Variants in KANK1 observed in about 807,000 individuals in gnomAD.
KANK1 encodes the protein KN motif and ankyrin repeat domains 1, also known as KN motif and ankyrin repeat domain-containing protein 1.
In KANK1, 109 loss-of-function variants were observed where a neutral mutation model predicts 106.2. The observed-to-expected ratio is 1.03, with a 90% confidence interval of 0.88 to 1.20. KANK1 has a LOEUF of 1.20. KANK1 is among the 50% of genes most tolerant of loss of function. The pLI is 0.00. For missense variants in KANK1, 2,399 were observed against 1,710.7 expected (o/e 1.40, Z -7.10); for synonymous variants, 873 against 652.2 (o/e 1.34, Z -5.16).
intron 2 of KANK1, among the ~76,000 whole-genome samples, chr9:701,362 C>T (rs577248852): frequency 5.2e-4 from 79 of 152,310 alleles, no homozygotes; most frequent in African/African-American, 1.8e-3. Context: ...CCTTGGCCTC[C>T]CAAAGTGCTG....
intron 1 of KANK1, among the ~76,000 whole-genome samples, chr9:525,910 AT>A (rs1274293376): frequency 1.3e-5 from 2 of 151,690 alleles, no homozygotes; most frequent in African/African-American, 2.4e-5. Context: ...CACCCAGAGG[AT>A]CAATATTTTT....
At chr9:534,602 C>T (rs1235933202) in intron 1 of KANK1, among the ~76,000 whole-genome samples, 1 of 152,168 alleles carries the variant, frequency 6.6e-6, no homozygotes, top group East Asian at 1.9e-4. Flanking sequence ...ATTTTTTCCC[C>T]CTCTTAGTTA....
chr9:733,234 C>T (rs1469073487), intron 6 of KANK1: 1 of 152,172 alleles, frequency 6.6e-6, no homozygotes, highest in African/African-American at 2.4e-5. Context: ...ATTTGATGCT[C>T]ATAAAATAGA....
intron 2 of KANK1, among the ~76,000 whole-genome samples, chr9:682,807 G>T (rs1817833047): frequency 6.6e-6 from 1 of 152,134 alleles, no homozygotes. Flanking sequence ...TTGTCTCTAT[G>T]CTGATCTTAA....
intron 1 of KANK1, among the ~76,000 whole-genome samples, chr9:508,955 G>C (rs2058904760): frequency 6.6e-6 from 1 of 152,160 alleles, no homozygotes; most frequent in Non-Finnish European, 1.5e-5. Flanking sequence ...CTAGGATTCA[G>C]TTTAGAGGTA....
chr9:541,719 A>G (rs548837928), intron 1 of KANK1, among the ~76,000 whole-genome samples: 22 of 152,350 alleles, frequency 1.4e-4, no homozygotes, highest in African/African-American at 5.0e-4. Flanking sequence ...CAGACCATAC[A>G]TCTGATAAGG....
At chr9:622,539 A>G (rs538235473) in intron 1 of KANK1, among the ~76,000 whole-genome samples, 1 of 152,330 alleles carries the variant, frequency 6.6e-6, no homozygotes, top group African/African-American at 2.4e-5. Flanking sequence ...AAAACTGGAT[A>G]TCCACCTGCC....
intron 1 of KANK1, among the ~76,000 whole-genome samples, chr9:635,694 C>CTTTTTTTT (rs1162836319): frequency 3.8e-4 from 39 of 103,364 alleles, no homozygotes; most frequent in African/African-American, 5.4e-4. Context: ...CCTTTTTATT[C>CTTTTTTTT]TTTTTTTTTT....
At chr9:486,495 A>G (rs1170763417) in intron 3 of KANK1, among the ~76,000 whole-genome samples, 1 of 152,184 alleles carries the variant, frequency 6.6e-6, no homozygotes, top group Non-Finnish European at 1.5e-5. Flanking sequence ...TTCTCATTTT[A>G]CAGATGAGGA....
chr9:527,565 T>C (rs2059849270), intron 1 of KANK1, among the ~76,000 whole-genome samples: 1 of 151,576 alleles, frequency 6.6e-6, no homozygotes, highest in Admixed American at 6.6e-5. Context: ...CCTCGCAGAG[T>C]GCTGGAATTA....
At chr9:615,990 G>A (rs1831725933) in intron 1 of KANK1, among the ~76,000 whole-genome samples, 1 of 152,148 alleles carries the variant, frequency 6.6e-6, no homozygotes, top group Admixed American at 6.5e-5. Context: ...GCCTCTTGAG[G>A]CATGAAAGCC....
In KANK1 at chr9:712,382, G is replaced by C. The variant is rs202212356; in HGVS notation, c.1616G>C (p.Gly539Ala). Residue 539 changes from glycine to alanine, a missense_variant, in exon 3 of 12, where the codon GGG (glycine) becomes GCG (alanine). By Grantham distance (60) the Gly-to-Ala change is moderately conservative. Transcript: ENST00000382297. The part of the protein sequence containing the change: ...SHMDLVDTCV[G>A]TSVETNSVGI... The stretch of plus-strand genomic sequence containing the variant: ...ATGGACCTGGTGGACACGTGTGTTG[G>C]GACCTCCGTGGAAACAAACAGTGTA... The C allele has an allele frequency of 8.1e-6, 13 of 1,614,036 alleles. No individual in the cohort carries two copies. Among genetic ancestry groups the C allele is most frequent in the Non-Finnish European group, 1.1e-5 (13 of 1,180,036 alleles).
At chr9:574,576 G>C (rs1372083264) in intron 1 of KANK1, among the ~76,000 whole-genome samples, 1 of 152,070 alleles carries the variant, frequency 6.6e-6, no homozygotes, top group South Asian at 2.1e-4. Flanking sequence ...TTCTTTCTCA[G>C]CCGCGCGTGG....
At chr9:623,451 G>A (rs1441236634) in intron 1 of KANK1, among the ~76,000 whole-genome samples, 6 of 151,822 alleles carry the variant, frequency 4.0e-5, no homozygotes, top group Non-Finnish European at 5.9e-5. Flanking sequence ...TTAGCTAGGC[G>A]TGGTGGCATG....
intron 1 of KANK1, among the ~76,000 whole-genome samples, chr9:519,963 T>C (rs1217769559): frequency 6.6e-6 from 1 of 151,828 alleles, no homozygotes; most frequent in Admixed American, 6.6e-5. Flanking sequence ...TTATGCTCAG[T>C]GACTTAAAAC....
chr9:517,394 G>A (rs1469949511), intron 1 of KANK1, among the ~76,000 whole-genome samples: 2 of 151,768 alleles, frequency 1.3e-5, no homozygotes, highest in Non-Finnish European at 2.9e-5. Flanking sequence ...GAGCCACTGC[G>A]GCCCGGCTGC....
intron 8 of KANK1, among the ~76,000 whole-genome samples, chr9:739,131 T>A (rs1834633732): frequency 1.3e-5 from 2 of 152,186 alleles, no homozygotes; most frequent in South Asian, 4.1e-4. Flanking sequence ...GTGGACATCT[T>A]AGACATGAAG....
chr9:563,600 A>C (rs1266575901), intron 1 of KANK1, among the ~76,000 whole-genome samples: 1 of 152,228 alleles, frequency 6.6e-6, no homozygotes, highest in South Asian at 2.1e-4. Flanking sequence ...GTGTGTGTCT[A>C]TATTTTCAAA....
chr9:514,119 C>CCT (rs1267673532), intron 1 of KANK1, among the ~76,000 whole-genome samples: 1 of 118,972 alleles, frequency 8.4e-6, no homozygotes, highest in Non-Finnish European at 1.6e-5. Context: ...TCTCTTCCTC[C>CCT]CTCTCTCTCT....
Sources: allele counts gnomAD v4.1 joint callset (sites outside exome capture counted in the v4.1 genomes callset), GRCh38; gene constraint gnomAD v4.1.1; transcripts MANE v1.5; gene names NCBI Gene and HGNC (gene_info 2026-07-23, HGNC 2026-07-21).